Variants in PTH1R observed in about 807,000 individuals in gnomAD.
PTH1R encodes parathyroid hormone/parathyroid hormone-related peptide receptor.
Under a neutral mutation model 70.7 loss-of-function variants are expected in PTH1R, and 32 were observed. The observed-to-expected ratio is 0.45, with a 90% CI of 0.34 to 0.61. The LOEUF is 0.61. Among genes scored for constraint, PTH1R ranks in the 20% least tolerant of loss-of-function variants. PTH1R has a pLI of 0.01. For synonymous variants in PTH1R, 329 were observed against 324.8 expected, an observed-to-expected ratio of 1.01 and a Z score of -0.14; for missense variants, 626 against 792.5, an observed-to-expected ratio of 0.79 and a Z score of 2.52.
chr3:46,902,747 A>C lies in PTH1R; in HGVS notation c.1354-2A>C. 1 of 1,613,970 alleles carries C rather than the reference A, an allele frequency of 6.2e-7. No homozygotes were observed. The highest frequency in any genetic ancestry group is 8.5e-7 in the Non-Finnish European group (1 of 1,180,006). On this transcript the variant is annotated splice_acceptor_variant, in intron 14 of 15. Coordinates refer to ENST00000449590, the MANE Select transcript of PTH1R (RefSeq NM_000316.3). LOFTEE classifies it high-confidence loss of function. The surrounding 1 kb of genome is among the most constrained non-coding windows in gnomAD (Gnocchi z 5.4). ...CCTGATTCGAGACACCCCTCTTCAC[A>C]GGGATTTTTTGTCGCAATCATATAC...
rs888765316 is a variant in PTH1R at position 46,892,647 on chromosome 3, C to T, written c.76-1260C>T. The T allele has an allele frequency of 3.4e-5, 26 of 754,300 alleles. No homozygotes were observed. The highest frequency in any genetic ancestry group is 1.3e-5 in the Non-Finnish European group (8 of 617,536). 46.7% of individuals were successfully genotyped at this position (754,300 alleles called of 1,614,324 possible). A position where few individuals can be genotyped will look rare whatever the true frequency, so the allele number is the denominator to read the frequency against. Reference sequence around the variant, plus strand: ...AGGCTCTCTGACCCGGCCTGCCCGCCCCTCTCGCCGGTGCCCGCCCCATGC... The same window carrying T: ...AGGCTCTCTGACCCGGCCTGCCCGCTCCTCTCGCCGGTGCCCGCCCCATGC... On this transcript the variant is annotated intron_variant, in intron 3 of 15. Transcript: ENST00000449590. This position sits in a 1 kb window ranked among gnomAD's most constrained non-coding sequence, Gnocchi z 5.2.
Position 46,903,188 on chromosome 3 carries a change from C to A in PTH1R, c.1396-82C>A. ...GAGTCCCCTATTCCCATTTTCATTC[C>A]GTGCTGGGTGTCCAGGGGCCGGGAT... On this transcript the variant is annotated intron_variant, in intron 15 of 15. Transcript: ENST00000449590. The surrounding 1 kb of genome is among the most constrained non-coding windows in gnomAD (Gnocchi z 4.4). 6.3e-7 allele frequency: 1 copy of A among 1,578,856 alleles called. No homozygotes were observed.
chr3:46,883,554 G>A lies in PTH1R; in HGVS notation c.-6G>A, dbSNP rs1336079413. On this transcript the variant is annotated 5_prime_UTR_variant, in exon 3 of 16. The change creates a new upstream start codon in the 5' untranslated region. Coordinates refer to ENST00000449590, the MANE Select transcript of PTH1R (RefSeq NM_000316.3). The surrounding 1 kb of genome is among the most constrained non-coding windows in gnomAD (Gnocchi z 6.4). ...GCCCCGAGGGACGCGGCCCTAGGCG[G>A]TGGCGATGGGGACCGCCCGGATCGC... 6.5e-7 allele frequency: 1 copy of A among 1,533,828 alleles called. No homozygotes were observed. The highest frequency in any genetic ancestry group is 1.2e-5 in the South Asian group (1 of 83,674).
At position 46,902,939 on chromosome 3, in the gene PTH1R, C is replaced by G. The variant is rs1464976191; in HGVS notation, c.1395+149C>G. On this transcript the variant is annotated intron_variant, in intron 15 of 15. Transcript: ENST00000449590. The surrounding 1 kb of genome is among the most constrained non-coding windows in gnomAD (Gnocchi z 5.4). ...ACATTCTGAAAGCAGAGAAGTCTTT[C>G]CAGATGATGCAGGTTCAGGATGTGC... 2 of 1,222,702 alleles carry G rather than the reference C, an allele frequency of 1.6e-6. No homozygotes were observed. Among genetic ancestry groups the G allele is most frequent in the Non-Finnish European group, 2.4e-6 (2 of 844,060 alleles). 75.7% of individuals were successfully genotyped at this position (1,222,702 alleles called of 1,614,324 possible).
At chr3:46,897,772 C>T (rs2031838002) in intron 5 of PTH1R, 83 bp from the exon 6 acceptor site, 4 of 1,225,086 alleles carry the variant, frequency 3.3e-6, no homozygotes, top group Middle Eastern at 2.7e-4. Context: ...AAACAAACCA[C>T]AGATGTATTC....
intron 3 of PTH1R, among the ~76,000 whole-genome samples, chr3:46,887,863 T>C (rs2385861): frequency 0.097 from 14,806 of 152,224 alleles, 2,149 homozygotes; most frequent in African/African-American, 0.31. Context: ...TTCTGCATAA[T>C]TTGTGTGTGT....
Position 46,903,541 on chromosome 3 carries a change from C to T in PTH1R, c.1667C>T (p.Ala556Val). 6.2e-7 allele frequency: 1 copy of T among 1,614,050 alleles called. No homozygotes were observed. ...CTCGAGACCACACCACCTGCCATGG[C>T]TGCTCCCAAGGACGATGGGTTCCTC... ...ETLETTPPAM[A>V]APKDDGFLNG... Residue 556 changes from alanine (A) to valine (V), a missense_variant, in exon 16 of 16, where the codon GCT becomes GTT. Physicochemically the swap from Ala to Val is moderately conservative, Grantham distance 64 (BLOSUM62 0). Around this residue, in one of 3 missense-constraint regions of PTH1R, gnomAD observed 495 missense variants for 638.7 expected, o/e 0.77. Transcript: ENST00000449590. The surrounding 1 kb of genome is among the most constrained non-coding windows in gnomAD (Gnocchi z 4.4).
At chr3:46,888,946 A>T (rs1279946236) in intron 3 of PTH1R, among the ~76,000 whole-genome samples, 2 of 152,210 alleles carry the variant, frequency 1.3e-5, no homozygotes, top group Non-Finnish European at 2.9e-5. Context: ...CTGTTCAGGA[A>T]AGCCTGGCGA....
At position 46,883,694 on chromosome 3, in the gene PTH1R, G is replaced by C; in HGVS notation, c.75+60G>C. On this transcript the variant is annotated intron_variant, in intron 3 of 15. Coordinates refer to ENST00000449590, the MANE Select transcript of PTH1R (RefSeq NM_000316.3). This position sits in a 1 kb window ranked among gnomAD's most constrained non-coding sequence, Gnocchi z 6.4. ...TGCGGGCTTACCCTAGGGTCCGCGG[G>C]ATAGGTCTAAGGCACGCAGTCTTGA... The C allele has an allele frequency of 6.5e-7, 1 of 1,536,698 alleles. No homozygotes were observed. The highest frequency in any genetic ancestry group is 1.7e-4 in the Middle Eastern group (1 of 5,974).
chr3:46,890,296 CAGAT>C (rs2031327896), intron 3 of PTH1R, among the ~76,000 whole-genome samples: 1 of 152,094 alleles, frequency 6.6e-6, no homozygotes, highest in Non-Finnish European at 1.5e-5. Flanking sequence ...GCCATCTACC[CAGAT>C]AATCTCCCCC....
chr3:46,889,047 G>C (rs1016198799), intron 3 of PTH1R, among the ~76,000 whole-genome samples: 2 of 152,220 alleles, frequency 1.3e-5, no homozygotes, highest in Non-Finnish European at 2.9e-5. Flanking sequence ...CAGCAGGGGT[G>C]GGGGAGCAGT....
chr3:46,885,390 C>T (rs887904158), intron 3 of PTH1R, among the ~76,000 whole-genome samples: 2 of 152,172 alleles, frequency 1.3e-5, no homozygotes, highest in African/African-American at 4.8e-5. Context: ...TTGTTCTAAG[C>T]AATTCACGTA....
chr3:46,898,011 T>C, intron 6 of PTH1R, 46 bp downstream of exon 6: 1 of 1,613,352 alleles, frequency 6.2e-7, no homozygotes, highest in South Asian at 1.1e-5. Flanking sequence ...GGCTGAGACT[T>C]GGAGCTAGGG....
In PTH1R at chr3:46,882,218, G is replaced by A. The variant is rs1277915383; in HGVS notation, c.-49+1100G>A. On this transcript the variant is annotated intron_variant, in intron 2 of 15. Coordinates refer to ENST00000449590, the MANE Select transcript of PTH1R (RefSeq NM_000316.3). The surrounding 1 kb of genome is among the most constrained non-coding windows in gnomAD (Gnocchi z 4.3). Reference sequence around the variant, plus strand: ...CGGGAGAGGCCCGGGAGGGCGCGGGGGAGGGAAGAGGCGCCCGGCCGGGGA... The same window carrying A: ...CGGGAGAGGCCCGGGAGGGCGCGGGAGAGGGAAGAGGCGCCCGGCCGGGGA... 2 of 151,892 alleles carry A rather than the reference G, an allele frequency of 1.3e-5. No homozygotes were observed. The highest frequency in any genetic ancestry group is 6.5e-5 in the Admixed American group (1 of 15,270). The allele number at this position is 151,892 out of a possible 1,614,324, so 9.4% of individuals were successfully genotyped here. A position where few individuals can be genotyped will look rare whatever the true frequency, so the allele number is the denominator to read the frequency against.
In PTH1R at chr3:46,903,310, T is replaced by C. The variant is rs1293731669; in HGVS notation, c.1436T>C (p.Leu479Pro). 6.2e-7 allele frequency: 1 copy of C among 1,613,480 alleles called. No individual in the cohort carries two copies. Among genetic ancestry groups the C allele is most frequent in the Non-Finnish European group, 8.5e-7 (1 of 1,180,016 alleles). The change falls in exon 16 of 16, where the codon CTG becomes CCG. Residue 479 changes from leucine (L) to proline (P), a missense_variant. This residue lies in a region of PTH1R where 495 missense variants were observed against 638.7 expected (regional missense o/e 0.77). Transcript: ENST00000449590. The surrounding 1 kb of genome is among the most constrained non-coding windows in gnomAD (Gnocchi z 4.4). ...EIKKSWSRWTLALDFKRKARS... is the reference protein window; with the variant it reads ...EIKKSWSRWTPALDFKRKARS... ...AAGAAATCTTGGAGCCGCTGGACAC[T>C]GGCACTGGACTTCAAGCGAAAGGCA...
In PTH1R at chr3:46,883,652, A is replaced by G. The variant is rs2030815040; in HGVS notation, c.75+18A>G. The G allele has an allele frequency of 1.3e-6, 2 of 1,545,786 alleles. No individual in the cohort carries two copies. Among genetic ancestry groups the G allele is most frequent in the African/African-American group, 2.7e-5 (2 of 73,148 alleles). ...ACGCGCTGGTGAGTCCCCCGCCGCC[A>G]ACACTCCGGGACAGGCTGCGGGCTT... On this transcript the variant is annotated intron_variant, in intron 3 of 15. Coordinates refer to ENST00000449590, the MANE Select transcript of PTH1R (RefSeq NM_000316.3). This position sits in a 1 kb window ranked among gnomAD's most constrained non-coding sequence, Gnocchi z 6.4.
Position 46,901,436 on chromosome 3 carries a change from A to G in PTH1R, c.1072A>G (p.Asn358Asp), listed in dbSNP as rs1441888174. The G allele has an allele frequency of 2.0e-5, 32 of 1,576,462 alleles. No individual in the cohort carries two copies. Among genetic ancestry groups the G allele is most frequent in the Non-Finnish European group, 2.8e-5 (32 of 1,160,394 alleles). ...NTGCWDLSSG[N>D]KKWIIQVPIL... Reference sequence around the variant, plus strand: ...CAGGTGCTGGGACTTGAGCTCCGGGAACAAAAAGTGGATCATCCAGGTGCC... The same window carrying G: ...CAGGTGCTGGGACTTGAGCTCCGGGGACAAAAAGTGGATCATCCAGGTGCC... Residue 358 changes from asparagine (N) to aspartate (D), a missense_variant, in exon 12 of 16, where the codon AAC becomes GAC. Asn to Asp is a conservative substitution (Grantham distance 23). Transcript: ENST00000449590. This position sits in a 1 kb window ranked among gnomAD's most constrained non-coding sequence, Gnocchi z 7.3.
chr3:46,887,957 G>A (rs552754981), intron 3 of PTH1R, among the ~76,000 whole-genome samples: 1 of 152,228 alleles, frequency 6.6e-6, no homozygotes, highest in East Asian at 1.9e-4. Flanking sequence ...TTTCCTAGTA[G>A]GATATTTCTA....
intron 5 of PTH1R, among the ~76,000 whole-genome samples, chr3:46,897,247 C>T (rs891816986): frequency 6.6e-6 from 1 of 152,374 alleles, no homozygotes; most frequent in Middle Eastern, 3.4e-3. Context: ...GTTGTATGAC[C>T]TCAGCAAGTT....
Sources: gnomAD v4.1 joint callset for allele counts (sites outside exome capture counted in the v4.1 genomes callset) on GRCh38, gnomAD v4.1.1 for gene constraint, gnomAD v4.1.1 regional missense constraint, Gnocchi (gnomAD v3.1) non-coding constraint, MANE v1.5 for transcripts, NCBI Gene and HGNC (gene_info 2026-07-23, HGNC 2026-07-21) for gene names.